LARP1: variants seen among roughly 807,000 people sequenced by gnomAD.
LARP1 encodes the protein la-related protein 1.
LARP1 carries 36 observed loss-of-function variants against 122.7 expected under a neutral mutation model. The observed-to-expected ratio is 0.29, with a 90% CI of 0.22 to 0.39. The LOEUF (loss-of-function observed/expected upper bound fraction) is 0.39, where lower values mean the gene tolerates loss of function less well. Among genes scored for constraint, LARP1 ranks in the 10% least tolerant of loss-of-function variants. The pLI is 1.00. For synonymous variants in LARP1, 539 were observed against 528.7 expected (o/e 1.02, Z -0.27); for missense variants, 1,040 against 1,403.6 (o/e 0.74, Z 4.14).
chr5:154,706,024 G>A (rs1438552129), intron 1 of LARP1, among the ~76,000 whole-genome samples: 2 of 152,000 alleles, frequency 1.3e-5, no homozygotes, highest in African/African-American at 2.4e-5. Context: ...GGCCGGGCGC[G>A]GTGGCTCACG....
chr5:154,805,624 C>T (rs1349539449), intron 14 of LARP1: 2 of 403,380 alleles, frequency 5.0e-6, no homozygotes, highest in African/African-American at 2.1e-5. Context: ...CACGTTTCTG[C>T]CATTAAATAG....
chr5:154,694,771 G>A (rs1414275848), intron 1 of LARP1, among the ~76,000 whole-genome samples: 1 of 152,166 alleles, frequency 6.6e-6, no homozygotes, highest in Non-Finnish European at 1.5e-5. Context: ...TTTATATATA[G>A]TGAGATGGAG....
chr5:154,795,435 G>A (rs979154419), intron 8 of LARP1, 116 bp downstream of exon 8: 1 of 1,038,258 alleles, frequency 9.6e-7, no homozygotes, highest in African/African-American at 1.6e-5. Flanking sequence ...TTCTGCTGAA[G>A]TCTCAAGGCT....
At chr5:154,750,405 G>A (rs554329686), upstream of LARP1, among the ~76,000 whole-genome samples, 25 of 152,064 alleles carry the variant, frequency 1.6e-4, no homozygotes, top group Non-Finnish European at 3.4e-4. Context: ...CAGCAGCTGG[G>A]ACTACAGGTG....
rs75297780 is a variant in LARP1 at position 154,804,582 on chromosome 5, C to T, written c.2546+275C>T. 9.8e-4 allele frequency among the ~76,000 whole-genome samples: 150 copies of T among 152,316 alleles called. 2 individuals carry two copies. The East Asian group carries it at 0.024, about 24-fold the overall frequency. Reference sequence around the variant, plus strand: ...ATTGGTTTCCAAGCCTGGCTATCTACTTTCTGTCTGAGGAAGAATAGCCAG... The same window carrying T: ...ATTGGTTTCCAAGCCTGGCTATCTATTTTCTGTCTGAGGAAGAATAGCCAG... On this transcript the variant is annotated intron_variant, in intron 14 of 18. Transcript: ENST00000518297.
intron 1 of LARP1, among the ~76,000 whole-genome samples, chr5:154,730,419 A>G (rs1327995181): frequency 6.6e-6 from 1 of 151,812 alleles, no homozygotes; most frequent in Non-Finnish European, 1.5e-5. Context: ...ACACATGTAG[A>G]AAAGTGCACA....
rs113071528 is a variant in LARP1, at chr5:154,798,376, T to C, written c.1378-1215T>C. Among the ~76,000 whole-genome samples the C allele has an allele frequency of 1.0e-3, 154 of 152,372 alleles. 1 individual carries two copies. Among genetic ancestry groups the C allele is most frequent in the African/African-American group, 3.6e-3 (150 of 41,584 alleles). ...AACACATGGCATTTCTTCAATTCTT[T>C]TTTGTTTTAACTTAATATATCTGGG... On this transcript the variant is annotated intron_variant, in intron 8 of 18. Transcript: ENST00000518297.
chr5:154,792,555 A>C, intron 3 of LARP1, 67 bp from the exon 4 acceptor site: 1 of 1,433,188 alleles, frequency 7.0e-7, no homozygotes, highest in South Asian at 1.3e-5. Flanking sequence ...AGTGACAGGG[A>C]GTGCCTTCCC....
Position 154,755,763 on chromosome 5 carries a change from C to A in LARP1, c.6C>A (p.Ala2=). 1 of 987,868 alleles carries A rather than the reference C, an allele frequency of 1.0e-6. No individual in the cohort carries two copies. The highest frequency in any genetic ancestry group is 1.7e-5 in the African/African-American group (1 of 57,336). The allele number at this position is 987,868 out of a possible 1,614,324, so 61.2% of individuals were successfully genotyped here. A position where few individuals can be genotyped will look rare whatever the true frequency, so the allele number is the denominator to read the frequency against. Residue 2 remains alanine, a synonymous_variant, in exon 1 of 19, where the codon GCC becomes GCA. Transcript: ENST00000518297. M[A]TQVEPLLPGG... is the part of the protein sequence containing the mutation. ...CCGGGGGGGCGGGCGCGCAGATGGC[C>A]ACTCAGGTGGAGCCGCTGCTGCCTG...
chr5:154,773,670 T>G (rs746901193), intron 1 of LARP1, among the ~76,000 whole-genome samples: 1 of 152,218 alleles, frequency 6.6e-6, no homozygotes, highest in Non-Finnish European at 1.5e-5. Flanking sequence ...TCTGCCAGAT[T>G]CTGAGAGCTT....
intron 1 of LARP1, among the ~76,000 whole-genome samples, chr5:154,775,493 CAAA>C (rs138027824): frequency 1.0e-4 from 10 of 100,130 alleles, no homozygotes; most frequent in Admixed American, 2.1e-4. Flanking sequence ...GACCCTCCCT[CAAA>C]AAAAAAAAAA....
chr5:154,714,972 G>A (rs2113309809), intron 1 of LARP1, among the ~76,000 whole-genome samples: 1 of 152,222 alleles, frequency 6.6e-6, no homozygotes, highest in South Asian at 2.1e-4. Flanking sequence ...GAGGTCAGGA[G>A]TTTGAGACCA....
chr5:154,772,106 AAATAT>A (rs1561587036), intron 1 of LARP1, among the ~76,000 whole-genome samples: 1 of 152,364 alleles, frequency 6.6e-6, no homozygotes, highest in East Asian at 1.9e-4. Flanking sequence ...ATACACATAT[AAATAT>A]AATAAGCATT....
chr5:154,737,667 T>G (rs1365173080), intron 1 of LARP1, among the ~76,000 whole-genome samples: 1 of 152,088 alleles, frequency 6.6e-6, no homozygotes, highest in Non-Finnish European at 1.5e-5. Context: ...GGTCTCGAAC[T>G]CCTAATTTGA....
chr5:154,737,436 CTTTTTTTTTTT>C (rs10526758), intron 1 of LARP1, among the ~76,000 whole-genome samples: 1 of 95,304 alleles, frequency 1.0e-5, no homozygotes, highest in Non-Finnish European at 2.0e-5. Flanking sequence ...GAATTTTTCT[CTTTTTTTTTTT>C]TTTTTTTTTT....
chr5:154,778,444 CA>C (rs1398306651), intron 1 of LARP1, among the ~76,000 whole-genome samples: 2 of 152,048 alleles, frequency 1.3e-5, no homozygotes. Context: ...CATTGCTGAG[CA>C]AAAAATCTCT....
intron 1 of LARP1, among the ~76,000 whole-genome samples, chr5:154,758,383 T>C (rs1754175824): frequency 6.6e-6 from 1 of 152,030 alleles, no homozygotes; most frequent in South Asian, 2.1e-4. Flanking sequence ...GGCAAGAGAG[T>C]GTCTACTTGT....
At chr5:154,788,321 GCTGTTGGCTGGGTTCCA>G (rs969776016) in intron 1 of LARP1, among the ~76,000 whole-genome samples, 2 of 152,176 alleles carry the variant, frequency 1.3e-5, no homozygotes, top group African/African-American at 4.8e-5. Context: ...GGTGTGGGAT[GCTGTTGGCTGGGTTCCA>G]CAGCTCCAGC....
chr5:154,756,530 A>T (rs947563513), intron 1 of LARP1: 14 of 984,504 alleles, frequency 1.4e-5, no homozygotes, highest in African/African-American at 1.8e-5. Context: ...GGTGTAAGAG[A>T]CGGTTTCTGG....
Sources: gnomAD v4.1 joint callset for allele counts (sites outside exome capture counted in the v4.1 genomes callset) on GRCh38, gnomAD v4.1.1 for gene constraint, MANE v1.5 for transcripts, NCBI Gene and HGNC (gene_info 2026-07-23, HGNC 2026-07-21) for gene names.